The following MGST2 variants were observed in gnomAD, a reference collection of about 807,000 sequenced individuals.
The protein encoded by MGST2 is microsomal glutathione S-transferase 2.
Under a neutral mutation model 16.6 loss-of-function variants are expected in MGST2, and 9 were observed. The ratio of observed to expected loss-of-function variants is 0.54; its 90% confidence interval spans 0.33 to 0.95. MGST2 has a LOEUF of 0.95. MGST2 is among the 40% of genes least tolerant of loss of function. The pLI is 0.03. For missense variants in MGST2, 159 were observed against 175.1 expected, an observed-to-expected ratio of 0.91 and a Z score of 0.52; for synonymous variants, 79 against 68.0, an observed-to-expected ratio of 1.16 and a Z score of -0.79.
intron 5 of MGST2, among the ~76,000 whole-genome samples, chr4:139,736,434 G>T (rs1004325961): frequency 4.6e-5 from 7 of 152,184 alleles, no homozygotes; most frequent in Non-Finnish European, 1.0e-4. Context: ...GCTAGACAGA[G>T]GCGCCTGGCT....
intron 5 of MGST2, chr4:139,730,244 CCTAA>C: frequency 1.6e-6 from 1 of 639,034 alleles, no homozygotes; most frequent in Non-Finnish European, 2.7e-6. Context: ...TAGGAAAAAC[CCTAA>C]CTAATTGAAA....
chr4:139,701,028 T>G lies in MGST2; in HGVS notation c.230-2427T>G, dbSNP rs114563422. ...AAAGACTTCTTCACTTTATTACAAC[T>G]ATACTTGTGTCGCTTAAGGGCATGA... On this transcript the variant is annotated intron_variant, in intron 3 of 4. Transcript: ENST00000265498. Among the ~76,000 whole-genome samples the G allele has an allele frequency of 1.3e-5, 2 of 152,328 alleles. 1 individual carries two copies. The highest frequency in any genetic ancestry group is 4.1e-4 in the South Asian group (2 of 4,828).
At chr4:139,747,571 G>T in the MGST2 span, among the ~76,000 whole-genome samples, 1 of 152,000 alleles carries the variant, frequency 6.6e-6, no homozygotes, top group Non-Finnish European at 1.5e-5. Flanking sequence ...GTGTGTGCCT[G>T]TAATCCCAGC....
intron 5 of MGST2, among the ~76,000 whole-genome samples, chr4:139,712,852 G>A (rs345975): frequency 0.99 from 151,239 of 152,372 alleles, 75,060 homozygotes; most frequent in East Asian, 1. Flanking sequence ...TTGGTAAAAT[G>A]ACCCATTTCT....
intron 5 of MGST2, among the ~76,000 whole-genome samples, chr4:139,739,632 G>C (rs1385080216): frequency 6.9e-6 from 1 of 145,096 alleles, no homozygotes; most frequent in Non-Finnish European, 1.5e-5. Flanking sequence ...TAATCACATA[G>C]GAAAAAGCTT....
chr4:139,719,945 A>G, intron 5 of MGST2: 1 of 1,613,986 alleles, frequency 6.2e-7, no homozygotes. Context: ...TGGCCCTTTC[A>G]TCTGTGGATG....
chr4:139,696,415 T>C (rs896099783), intron 3 of MGST2, among the ~76,000 whole-genome samples: 1 of 152,234 alleles, frequency 6.6e-6, no homozygotes, highest in Non-Finnish European at 1.5e-5. Flanking sequence ...AAAGCAGACT[T>C]GAATCATCAG....
At chr4:139,696,936 G>T (rs1726956829) in intron 3 of MGST2, among the ~76,000 whole-genome samples, 1 of 151,962 alleles carries the variant, frequency 6.6e-6, no homozygotes, top group Admixed American at 6.6e-5. Context: ...TGTTGTGTTT[G>T]GGGGCAAGTA....
rs554172020 is a variant in MGST2, at chr4:139,739,642, T to A, written c.*49-570T>A. Among the ~76,000 whole-genome samples the A allele has an allele frequency of 5.4e-5, 8 of 147,698 alleles. No individual in the cohort carries two copies. In the South Asian group the frequency reaches 1.7e-3, roughly 32 times the overall value. On this transcript the variant is annotated intron_variant, in intron 5 of 5. Transcript: ENST00000616265. ...CTATCTAATCACATAGGAAAAAGCT[T>A]ACCATATATAGTTAAGAAAGGCAGG... is the stretch of plus-strand genomic sequence containing the variant.
At chr4:139,729,417 C>T (rs560534704) in intron 5 of MGST2, among the ~76,000 whole-genome samples, 5 of 152,068 alleles carry the variant, frequency 3.3e-5, no homozygotes, top group Admixed American at 6.5e-5. Flanking sequence ...GCCAGAAGTT[C>T]GAGACCAGCC....
Position 139,666,063 on chromosome 4 carries a change from C to G in MGST2, c.44C>G (p.Ser15Trp). ...CTGCTGGCTGCTGTCTCTATTCTCT[C>G]GGCCTGTCAGCAAAGTAAGAGGCAT... is the stretch of plus-strand genomic sequence containing the variant. ...SILLAAVSIL[S>W]ACQQSYFALQ... The change falls in exon 1 of 5, where the codon TCG becomes TGG. Residue 15 changes from serine (S) to tryptophan (W), a missense_variant. Transcript: ENST00000265498. The G allele has an allele frequency of 6.2e-7, 1 of 1,613,856 alleles. No individual in the cohort carries two copies. Among genetic ancestry groups the G allele is most frequent in the Non-Finnish European group, 8.5e-7 (1 of 1,179,992 alleles).
chr4:139,753,341 A>AATCCATCT, the MGST2 span, among the ~76,000 whole-genome samples: 4 of 146,578 alleles, frequency 2.7e-5, no homozygotes, highest in Admixed American at 6.9e-5. Context: ...TTTTCTTTTT[A>AATCCATCT]ATCTATCTAT....
intron 5 of MGST2, among the ~76,000 whole-genome samples, chr4:139,739,586 A>G (rs1184122746): frequency 2.0e-5 from 3 of 152,036 alleles, no homozygotes; most frequent in Non-Finnish European, 2.9e-5. Flanking sequence ...CATGAATACT[A>G]GGCAGCCAAT....
intron 2 of MGST2, among the ~76,000 whole-genome samples, chr4:139,689,627 T>C (rs559854479): frequency 6.6e-6 from 1 of 152,108 alleles, no homozygotes; most frequent in African/African-American, 2.4e-5. Context: ...TCAGGATGAG[T>C]CACCTAAACA....
chr4:139,744,994 T>G (rs138137948), downstream of MGST2, among the ~76,000 whole-genome samples: 1 of 152,138 alleles, frequency 6.6e-6, no homozygotes, highest in African/African-American at 2.4e-5. Context: ...CTTTATGAAA[T>G]GAGGAAGCCA....
At chr4:139,691,922 G>T (rs1726633083) in intron 2 of MGST2, among the ~76,000 whole-genome samples, 1 of 152,008 alleles carries the variant, frequency 6.6e-6, no homozygotes, top group African/African-American at 2.4e-5. Flanking sequence ...GGACGGTCTC[G>T]ATCTCCTGAC....
rs186310311 is a variant in MGST2 at position 139,714,199 on chromosome 4, C to G, written c.*48+10003C>G. Among the ~76,000 whole-genome samples, 56 of 152,236 alleles carry G rather than the reference C, an allele frequency of 3.7e-4. No homozygotes were observed. The East Asian group carries it at 7.5e-3, about 20-fold the overall frequency. ...AAGCGGGCTTACAGGTATTCTAAGC[C>G]CATGTTTTATCCTAAAGTACCCCTT... is the stretch of plus-strand genomic sequence containing the variant. On this transcript the variant is annotated intron_variant, in intron 5 of 5. Coordinates refer to the MGST2 transcript ENST00000616265.
chr4:139,720,401 T>C (rs1560767413), intron 5 of MGST2: 1 of 1,343,088 alleles, frequency 7.4e-7, no homozygotes. Context: ...GGAATTTTCT[T>C]TGGGAATGAC....
chr4:139,727,784 C>T (rs1349377835), intron 5 of MGST2, among the ~76,000 whole-genome samples: 1 of 152,110 alleles, frequency 6.6e-6, no homozygotes, highest in Non-Finnish European at 1.5e-5. Context: ...ATGTAAGATC[C>T]CAAATCCTTC....
Sources: gnomAD v4.1 joint callset for allele counts (sites outside exome capture counted in the v4.1 genomes callset) on GRCh38, gnomAD v4.1.1 for gene constraint, MANE v1.5 for transcripts, NCBI Gene and HGNC (gene_info 2026-07-23, HGNC 2026-07-21) for gene names.